CCSER1: variants seen among roughly 807,000 people sequenced by gnomAD.
The protein encoded by CCSER1 is coiled-coil serine rich protein 1, also known as serine-rich coiled-coil domain-containing protein 1.
In CCSER1, 41 loss-of-function variants were observed where a neutral mutation model predicts 82.0. That is an observed-to-expected ratio of 0.50 (90% CI 0.39 to 0.65). The LOEUF (loss-of-function observed/expected upper bound fraction) is 0.65. Ranked by LOEUF, CCSER1 falls within the 30% of genes least tolerant of loss-of-function variation. The probability of loss-of-function intolerance (pLI) is 0.00; values close to 1 mark genes in which losing one functional copy is unlikely to be tolerated. For synonymous variants in CCSER1, 414 were observed against 383.9 expected (o/e 1.08, Z -0.92); for missense variants, 1,119 against 1,064.2 (o/e 1.05, Z -0.72).
chr4:91,527,190 G>A (rs553244085), intron 10 of CCSER1, among the ~76,000 whole-genome samples: 66 of 152,252 alleles, frequency 4.3e-4, no homozygotes, highest in African/African-American at 1.5e-3. Context: ...AAAGTCATCT[G>A]GGTCTTGAAG....
At chr4:90,784,567 T>G (rs1199370094) in intron 7 of CCSER1, among the ~76,000 whole-genome samples, 1 of 152,094 alleles carries the variant, frequency 6.6e-6, no homozygotes, top group Non-Finnish European at 1.5e-5. Flanking sequence ...CCCAGATGAT[T>G]TAGAAAAAAT....
intron 10 of CCSER1, among the ~76,000 whole-genome samples, chr4:91,361,400 G>C (rs1749232683): frequency 6.6e-6 from 1 of 151,754 alleles, no homozygotes; most frequent in Non-Finnish European, 1.5e-5. Flanking sequence ...TTTAAATTTA[G>C]TTAACTTAAA....
intron 10 of CCSER1, among the ~76,000 whole-genome samples, chr4:91,255,975 A>G (rs1740647621): frequency 6.6e-6 from 1 of 152,236 alleles, no homozygotes; most frequent in South Asian, 2.1e-4. Context: ...AGAGATGTTC[A>G]GGGAACAAGG....
At chr4:90,447,933 G>T (rs1255133317) in intron 4 of CCSER1, among the ~76,000 whole-genome samples, 1 of 151,898 alleles carries the variant, frequency 6.6e-6, no homozygotes, top group African/African-American at 2.4e-5. Context: ...ATTTTTCAGG[G>T]TTTTTTATTG....
chr4:91,130,756 T>C (rs1455433487), intron 10 of CCSER1, among the ~76,000 whole-genome samples: 4 of 151,848 alleles, frequency 2.6e-5, no homozygotes, highest in Non-Finnish European at 5.9e-5. Context: ...TACCAACTGT[T>C]CCACTATCAG....
chr4:91,363,999 G>C (rs17018422), intron 10 of CCSER1, among the ~76,000 whole-genome samples: 11,433 of 148,110 alleles, frequency 0.077, 1,527 homozygotes, highest in African/African-American at 0.26. Context: ...TTTTGGTAAA[G>C]TATTGACATA....
chr4:90,942,938 A>T (rs975420091), intron 9 of CCSER1, among the ~76,000 whole-genome samples: 3 of 145,522 alleles, frequency 2.1e-5, no homozygotes, highest in African/African-American at 7.7e-5. Context: ...TATAATTTTT[A>T]AATTATTTTT....
At chr4:90,846,901 C>G (rs1026740003) in intron 8 of CCSER1, among the ~76,000 whole-genome samples, 2 of 152,184 alleles carry the variant, frequency 1.3e-5, no homozygotes, top group African/African-American at 4.8e-5. Context: ...CCTGCCTTGG[C>G]CTCCCAAAGT....
chr4:91,061,032 G>T (rs1743906027), intron 9 of CCSER1, among the ~76,000 whole-genome samples: 2 of 151,850 alleles, frequency 1.3e-5, no homozygotes, highest in African/African-American at 4.8e-5. Context: ...TACCATTTTA[G>T]TTTGCACAGC....
intron 8 of CCSER1, among the ~76,000 whole-genome samples, chr4:90,866,494 T>G (rs1765747213): frequency 6.6e-6 from 1 of 152,048 alleles, no homozygotes. Flanking sequence ...GGAAACTAAT[T>G]ATTGATCTTC....
chr4:91,169,863 T>C (rs913263732), intron 10 of CCSER1, among the ~76,000 whole-genome samples: 1 of 152,210 alleles, frequency 6.6e-6, no homozygotes, highest in African/African-American at 2.4e-5. Flanking sequence ...TCTTGCATGA[T>C]AGAATTCAAT....
chr4:90,279,963 A>C (rs1728580099), intron 1 of CCSER1, among the ~76,000 whole-genome samples: 1 of 152,062 alleles, frequency 6.6e-6, no homozygotes, highest in Non-Finnish European at 1.5e-5. Flanking sequence ...CAAGCAAAGA[A>C]TATTTAATTC....
intron 5 of CCSER1, among the ~76,000 whole-genome samples, chr4:90,542,567 A>T (rs1047401581): frequency 6.6e-6 from 1 of 152,156 alleles, no homozygotes; most frequent in Non-Finnish European, 1.5e-5. Flanking sequence ...CTAACAAACT[A>T]TAAATCAAAC....
intron 10 of CCSER1, among the ~76,000 whole-genome samples, chr4:91,521,851 G>A (rs1760490286): frequency 6.6e-6 from 1 of 152,180 alleles, no homozygotes; most frequent in African/African-American, 2.4e-5. Flanking sequence ...TCTGATGGCA[G>A]TTCCTTTTGC....
intron 9 of CCSER1, among the ~76,000 whole-genome samples, chr4:91,084,644 ATTC>A (rs1723173009): frequency 6.6e-6 from 1 of 152,128 alleles, no homozygotes. Flanking sequence ...TTTGTTTTAT[ATTC>A]TTTGTCACAT....
intron 10 of CCSER1, among the ~76,000 whole-genome samples, chr4:91,517,865 C>T (rs1371070059): frequency 6.6e-6 from 1 of 151,332 alleles, no homozygotes; most frequent in African/African-American, 2.4e-5. Context: ...TGTGCAAGAC[C>T]TTTATTTGTA....
chr4:90,324,883 A>C (rs919127080), intron 3 of CCSER1, among the ~76,000 whole-genome samples: 16 of 152,142 alleles, frequency 1.1e-4, no homozygotes, highest in Non-Finnish European at 1.5e-4. Context: ...TCAGCTTTCT[A>C]CATATGGCTA....
intron 10 of CCSER1, among the ~76,000 whole-genome samples, chr4:91,116,113 T>A (rs928749894): frequency 2.0e-5 from 3 of 152,046 alleles, no homozygotes; most frequent in African/African-American, 7.2e-5. Context: ...GTGTTTGGTT[T>A]TTTGCCCTTG....
chr4:90,220,693 C>T (rs1049638607), intron 1 of CCSER1, among the ~76,000 whole-genome samples: 7 of 152,168 alleles, frequency 4.6e-5, no homozygotes, highest in African/African-American at 1.4e-4. Context: ...ATTGATGAAT[C>T]GCTTTAATTT....
Sources: allele counts gnomAD v4.1 joint callset (sites outside exome capture counted in the v4.1 genomes callset), GRCh38; gene constraint gnomAD v4.1.1; transcripts MANE v1.5; gene names NCBI Gene and HGNC (gene_info 2026-07-23, HGNC 2026-07-21).